ANO1: variants seen among roughly 807,000 people sequenced by gnomAD.
The protein encoded by ANO1 is anoctamin-1.
Under a neutral mutation model 124.0 loss-of-function variants are expected in ANO1, and 59 were observed. That is an observed-to-expected ratio of 0.48 (90% CI 0.39 to 0.59). ANO1 has a LOEUF of 0.59. Ranked by LOEUF, ANO1 falls within the 20% of genes least tolerant of loss-of-function variation. ANO1 has a pLI of 0.00. For synonymous variants in ANO1, 529 were observed against 532.0 expected, an observed-to-expected ratio of 0.99 and a Z score of 0.08; for missense variants, 1,059 against 1,328.0, an observed-to-expected ratio of 0.80 and a Z score of 3.15.
At chr11:70,107,041 G>GACTGGTGGATGAA (rs2045575873) in intron 5 of ANO1, among the ~76,000 whole-genome samples, 1 of 152,026 alleles carries the variant, frequency 6.6e-6, no homozygotes, top group Non-Finnish European at 1.5e-5. Context: ...TGGTGGATGA[G>GACTGGTGGATGAA]GGCTGGTGGC....
At chr11:69,996,994 A>G (rs1470394224) in intron 1 of ANO1, among the ~76,000 whole-genome samples, 1 of 152,216 alleles carries the variant, frequency 6.6e-6, no homozygotes, top group African/African-American at 2.4e-5. Flanking sequence ...TCACCAGGCC[A>G]TGAGACCTTA....
In ANO1 at chr11:70,171,058, C is replaced by T. The variant is rs745702752; in HGVS notation, c.2350+19C>T. 24 of 1,608,198 alleles carry T rather than the reference C, an allele frequency of 1.5e-5. No homozygotes were observed. The highest frequency in any genetic ancestry group is 1.9e-5 in the Non-Finnish European group (22 of 1,177,420). ...GACATCGGTGAGTGACCCCACGGGC[C>T]GGCAGAACCGGTTCCGAGTGCGTGC... On this transcript the variant is annotated intron_variant, in intron 22 of 25. Coordinates refer to ENST00000355303, the MANE Select transcript of ANO1 (RefSeq NM_018043.7).
At chr11:70,106,057 T>C (rs2045526388) in intron 5 of ANO1, among the ~76,000 whole-genome samples, 1 of 152,124 alleles carries the variant, frequency 6.6e-6, no homozygotes, top group Admixed American at 6.5e-5. Context: ...CAAAGGTCGG[T>C]GTTTCTGGAT....
Position 70,161,265 on chromosome 11 carries a change from G to T in ANO1, c.1683G>T (p.Arg561=), listed in dbSNP as rs1403977757. 3.7e-6 allele frequency: 6 copies of T among 1,613,880 alleles called. No individual in the cohort carries two copies. The highest frequency in any genetic ancestry group is 5.1e-6 in the Non-Finnish European group (6 of 1,179,806). ...NSSPSVRSNI[R]VTVTATAVII... ...CCCCCTCCGTGCGGTCCAACATCCG[G>T]GTCACAGTCACAGCCACCGCAGTCA... Residue 561 remains arginine (R), a synonymous_variant, in exon 17 of 26, where the codon CGG becomes CGT. Transcript: ENST00000355303.
At chr11:70,052,531 C>CTTTTTTTTCTTTTTTTTTTTTTTTTTT (rs1857365075) in intron 1 of ANO1, among the ~76,000 whole-genome samples, 1 of 65,932 alleles carries the variant, frequency 1.5e-5, no homozygotes, top group African/African-American at 5.6e-5. Flanking sequence ...TTTTTCTTTT[C>CTTTTTTTTCTTTTTTTTTTTTTTTTTT]TTTTTTTTTT....
chr11:70,031,715 GC>G (rs1248681547), intron 1 of ANO1, among the ~76,000 whole-genome samples: 2 of 152,194 alleles, frequency 1.3e-5, no homozygotes, highest in East Asian at 3.8e-4. Flanking sequence ...AGGCGCAGTG[GC>G]TGTCACTGCC....
intron 11 of ANO1, among the ~76,000 whole-genome samples, chr11:70,141,082 A>G (rs2047136928): frequency 1.3e-5 from 2 of 152,092 alleles, no homozygotes; most frequent in African/African-American, 4.8e-5. Flanking sequence ...ATCTGCCTCC[A>G]AGGTTTCAGC....
At chr11:70,184,185 G>A (rs981382958) in intron 24 of ANO1, among the ~76,000 whole-genome samples, 1 of 152,338 alleles carries the variant, frequency 6.6e-6, no homozygotes, top group East Asian at 1.9e-4. Flanking sequence ...TCCAATGCAG[G>A]GTGGGGACGT....
chr11:70,146,363 T>G (rs545636072), intron 11 of ANO1, among the ~76,000 whole-genome samples: 1 of 152,276 alleles, frequency 6.6e-6, no homozygotes, highest in East Asian at 1.9e-4. Context: ...AAAATGCTAG[T>G]GCACGGATAC....
Position 70,131,920 on chromosome 11 carries a change from A to G in ANO1, c.1099A>G (p.Met367Val), listed in dbSNP as rs1355765205. ...CATMDENIPS[M>V]EMCDQRHNIT... ...CCAGGGCTGCCCCCTCTCTTGCAGC[A>G]TGGAGATGTGTGACCAGAGACACAA... Residue 367 changes from methionine (M) to valine (V), a missense_variant and splice_region_variant, in exon 11 of 26, where the codon ATG becomes GTG. Around this residue, in one of 2 missense-constraint regions of ANO1, gnomAD observed 809 missense variants for 1,094.9 expected, o/e 0.74. Coordinates refer to ENST00000355303, the MANE Select transcript of ANO1 (RefSeq NM_018043.7). 3 of 1,605,198 alleles carry G rather than the reference A, an allele frequency of 1.9e-6. No individual in the cohort carries two copies. The highest frequency in any genetic ancestry group is 1.3e-5 in the African/African-American group (1 of 74,912).
chr11:70,091,789 C>A (rs2044635977), intron 2 of ANO1, among the ~76,000 whole-genome samples: 2 of 152,138 alleles, frequency 1.3e-5, no homozygotes, highest in African/African-American at 4.8e-5. Context: ...GTGCTGCGAG[C>A]CCCACACAGG....
At position 70,078,426 on chromosome 11, in the gene ANO1, C is replaced by T; in HGVS notation, c.-181C>T. ...CGCCCCCCGCATCGAGCGCGCGGGCCGGGCGGGCCAGGGCGGCGGGCGGAG... is the reference window on the plus strand; with the variant it reads ...CGCCCCCCGCATCGAGCGCGCGGGCTGGGCGGGCCAGGGCGGCGGGCGGAG... On this transcript the variant is annotated 5_prime_UTR_variant, in exon 1 of 26. Coordinates refer to ENST00000355303, the MANE Select transcript of ANO1 (RefSeq NM_018043.7). 1 of 154,800 alleles carries T rather than the reference C, an allele frequency of 6.5e-6. No individual in the cohort carries two copies. Among genetic ancestry groups the T allele is most frequent in the Non-Finnish European group, 1.4e-5 (1 of 73,362 alleles). 9.6% of individuals were successfully genotyped at this position (154,800 alleles called of 1,614,324 possible).
intron 1 of ANO1, among the ~76,000 whole-genome samples, chr11:70,033,117 G>A (rs942947745): frequency 2.0e-5 from 3 of 152,134 alleles, no homozygotes; most frequent in East Asian, 1.9e-4. Flanking sequence ...ACAAGAGCTC[G>A]GTGATGTAGA....
At chr11:70,068,410 G>A (rs1239467249) in intron 1 of ANO1, among the ~76,000 whole-genome samples, 1 of 152,222 alleles carries the variant, frequency 6.6e-6, no homozygotes, top group Non-Finnish European at 1.5e-5. Flanking sequence ...TACCTACTGT[G>A]TGCCAGGCTC....
chr11:70,003,377 A>G (rs1856421004), intron 1 of ANO1, among the ~76,000 whole-genome samples: 1 of 152,238 alleles, frequency 6.6e-6, no homozygotes, highest in Non-Finnish European at 1.5e-5. Context: ...ATATGGTCCC[A>G]CTGGTCTCAG....
chr11:70,159,593 CT>C (rs2047963965), intron 16 of ANO1, among the ~76,000 whole-genome samples: 2 of 152,246 alleles, frequency 1.3e-5, no homozygotes, highest in African/African-American at 2.4e-5. Context: ...CCACACGCCC[CT>C]GGTCCTGGGG....
At chr11:70,135,849 G>A (rs191675424) in intron 11 of ANO1, among the ~76,000 whole-genome samples, 21 of 152,368 alleles carry the variant, frequency 1.4e-4, no homozygotes, top group African/African-American at 4.3e-4. Flanking sequence ...ATAAGCGCCT[G>A]TTGCGGCTCT....
chr11:70,004,831 G>A (rs1307079709), intron 1 of ANO1, among the ~76,000 whole-genome samples: 1 of 152,162 alleles, frequency 6.6e-6, no homozygotes, highest in African/African-American at 2.4e-5. Flanking sequence ...TGGTGACAGA[G>A]GCCGGGCGCT....
chr11:70,161,027 A>T, intron 16 of ANO1, 134 bp from the exon 17 acceptor site: 1 of 850,170 alleles, frequency 1.2e-6, no homozygotes, highest in Non-Finnish European at 1.8e-6. Flanking sequence ...CAGGTGCCCA[A>T]GAAATGTCAG....
Sources: allele counts gnomAD v4.1 joint callset (sites outside exome capture counted in the v4.1 genomes callset), GRCh38; gene constraint gnomAD v4.1.1; regional missense constraint gnomAD v4.1.1; transcripts MANE v1.5; gene names NCBI Gene and HGNC (gene_info 2026-07-23, HGNC 2026-07-21).